Variants in EPHA6 observed in about 807,000 individuals in gnomAD.
The protein encoded by EPHA6 is ephrin type-A receptor 6.
EPHA6 carries 50 observed loss-of-function variants against 112.0 expected under a neutral mutation model. The ratio of observed to expected loss-of-function variants is 0.45; its 90% CI spans 0.36 to 0.56. The LOEUF is 0.56. Among genes scored for constraint, EPHA6 ranks in the 20% least tolerant of loss-of-function variants. The pLI is 0.00. For synonymous variants in EPHA6, 529 were observed against 490.7 expected (o/e 1.08, Z -1.03); for missense variants, 1,280 against 1,417.4 (o/e 0.90, Z 1.56).
intron 2 of EPHA6, among the ~76,000 whole-genome samples, chr3:96,870,759 C>T (rs1208332311): frequency 1.3e-5 from 2 of 151,970 alleles, no homozygotes; most frequent in Non-Finnish European, 2.9e-5. Flanking sequence ...ATACTTTATT[C>T]CATTAATCGG....
intron 2 of EPHA6, among the ~76,000 whole-genome samples, chr3:96,933,651 C>T (rs1181820871): frequency 1.3e-5 from 2 of 151,976 alleles, no homozygotes; most frequent in African/African-American, 4.8e-5. Context: ...AATTGCAAAT[C>T]GCTATGAAAG....
chr3:97,152,664 G>A (rs2076198388), intron 3 of EPHA6, among the ~76,000 whole-genome samples: 1 of 151,968 alleles, frequency 6.6e-6, no homozygotes, highest in South Asian at 2.1e-4. Context: ...CTTTACTTCA[G>A]TTTGGCTGCA....
intron 1 of EPHA6, among the ~76,000 whole-genome samples, chr3:96,851,042 G>A (rs1426233579): frequency 6.6e-6 from 1 of 152,076 alleles, no homozygotes; most frequent in Non-Finnish European, 1.5e-5. Context: ...TATATTCTAT[G>A]TCTTGTTTCC....
chr3:97,595,460 A>G (rs527861480), intron 12 of EPHA6, among the ~76,000 whole-genome samples: 3 of 152,148 alleles, frequency 2.0e-5, no homozygotes, highest in Non-Finnish European at 4.4e-5. Context: ...CCTGGCCAAC[A>G]TGGTGAGTCG....
chr3:96,932,581 T>C (rs2040379983), intron 2 of EPHA6, among the ~76,000 whole-genome samples: 1 of 152,212 alleles, frequency 6.6e-6, no homozygotes, highest in Non-Finnish European at 1.5e-5. Flanking sequence ...AGACATTAAA[T>C]TGCTTTAGTA....
intron 13 of EPHA6, among the ~76,000 whole-genome samples, chr3:97,629,321 T>C (rs1414945291): frequency 6.6e-6 from 1 of 152,030 alleles, no homozygotes; most frequent in African/African-American, 2.4e-5. Context: ...TAGAATGTTA[T>C]CTTTTACTAT....
At chr3:97,190,622 T>C (rs1040351211) in intron 3 of EPHA6, among the ~76,000 whole-genome samples, 7 of 152,120 alleles carry the variant, frequency 4.6e-5, no homozygotes, top group African/African-American at 1.4e-4. Context: ...ATATAAATTA[T>C]ATATATTTAT....
intron 3 of EPHA6, among the ~76,000 whole-genome samples, chr3:97,146,764 A>G (rs2076053011): frequency 6.6e-6 from 1 of 151,870 alleles, no homozygotes; most frequent in South Asian, 2.1e-4. Flanking sequence ...TGTCTTGATT[A>G]TACTAACAGC....
intron 2 of EPHA6, among the ~76,000 whole-genome samples, chr3:96,982,598 C>T (rs2042841299): frequency 1.3e-5 from 2 of 152,088 alleles, no homozygotes; most frequent in African/African-American, 4.8e-5. Context: ...GAGTTCAATT[C>T]CTGGATATCC....
intron 3 of EPHA6, among the ~76,000 whole-genome samples, chr3:97,086,924 A>G (rs2046921370): frequency 6.6e-6 from 1 of 152,164 alleles, no homozygotes; most frequent in South Asian, 2.1e-4. Flanking sequence ...ATTAAATCAT[A>G]TGCAATTATC....
At chr3:97,015,052 C>T (rs953751681) in intron 3 of EPHA6, among the ~76,000 whole-genome samples, 8 of 152,088 alleles carry the variant, frequency 5.3e-5, no homozygotes, top group Non-Finnish European at 1.0e-4. Context: ...AAATTATTGA[C>T]ACAAGTTTTA....
At chr3:96,957,088 G>A (rs1436054326) in intron 2 of EPHA6, among the ~76,000 whole-genome samples, 1 of 151,650 alleles carries the variant, frequency 6.6e-6, no homozygotes, top group Non-Finnish European at 1.5e-5. Flanking sequence ...AATTGGATGA[G>A]CTAAAATATT....
intron 11 of EPHA6, among the ~76,000 whole-genome samples, chr3:97,547,341 G>A (rs1003709049): frequency 3.3e-5 from 5 of 152,194 alleles, no homozygotes; most frequent in African/African-American, 1.2e-4. Context: ...TCCAGACCCT[G>A]TCTCCCTGGG....
At chr3:97,169,000 CTT>C (rs1301175709) in intron 3 of EPHA6, among the ~76,000 whole-genome samples, 3 of 152,090 alleles carry the variant, frequency 2.0e-5, no homozygotes, top group Non-Finnish European at 2.9e-5. Context: ...AATATACACT[CTT>C]TTTTCTAGTA....
chr3:97,228,592 A>G (rs2078431193), intron 4 of EPHA6, among the ~76,000 whole-genome samples: 1 of 151,604 alleles, frequency 6.6e-6, no homozygotes, highest in African/African-American at 2.4e-5. Context: ...ATATATATAT[A>G]TGTCACATTT....
intron 2 of EPHA6, among the ~76,000 whole-genome samples, chr3:96,872,511 G>A (rs2107476942): frequency 6.6e-6 from 1 of 152,170 alleles, no homozygotes; most frequent in East Asian, 1.9e-4. Flanking sequence ...GTTCTTGCAA[G>A]GTAAGTCTGC....
intron 5 of EPHA6, among the ~76,000 whole-genome samples, chr3:97,341,878 T>C (rs2083323152): frequency 6.6e-6 from 1 of 152,148 alleles, no homozygotes; most frequent in African/African-American, 2.4e-5. Flanking sequence ...AGAAAAAGTA[T>C]ACTGACAGAT....
At chr3:97,509,207 C>A (rs745763433) in intron 10 of EPHA6, among the ~76,000 whole-genome samples, 10 of 151,222 alleles carry the variant, frequency 6.6e-5, no homozygotes, top group African/African-American at 2.4e-4. Context: ...TATTGCTATG[C>A]GTGAATTTGA....
At chr3:97,220,812 A>C (rs957958734) in intron 3 of EPHA6, among the ~76,000 whole-genome samples, 5 of 152,212 alleles carry the variant, frequency 3.3e-5, no homozygotes, top group African/African-American at 4.8e-5. Context: ...CTGGTTTTGC[A>C]AAAAGGCTAA....
Sources: allele counts gnomAD v4.1 joint callset (sites outside exome capture counted in the v4.1 genomes callset), GRCh38; gene constraint gnomAD v4.1.1; transcripts MANE v1.5; gene names NCBI Gene and HGNC (gene_info 2026-07-23, HGNC 2026-07-21).